The following SETD1A variants were observed in gnomAD, a reference collection of about 807,000 sequenced individuals.
SETD1A encodes the protein histone-lysine N-methyltransferase SETD1A.
SETD1A carries 29 observed loss-of-function variants against 149.9 expected under a neutral mutation model. The observed-to-expected ratio is 0.19, with a 90% confidence interval of 0.14 to 0.26. The LOEUF (loss-of-function observed/expected upper bound fraction) is 0.26. SETD1A is among the 10% of genes least tolerant of loss of function. The pLI is 1.00. For missense variants in SETD1A, 2,109 were observed against 2,353.1 expected, an observed-to-expected ratio of 0.90 and a Z score of 2.15; for synonymous variants, 1,141 against 968.5, an observed-to-expected ratio of 1.18 and a Z score of -3.31.
rs1005278170 is a variant in SETD1A, at chr16:30,964,184, T to C, written c.730T>C (p.Ser244Pro). The change falls in exon 6 of 19, where the codon TCC becomes CCC. Residue 244 changes from serine to proline, a missense_variant. By Grantham distance (74) the Ser-to-Pro change is moderately conservative (BLOSUM62 -1). Around this residue, in one of 8 missense-constraint regions of SETD1A, gnomAD observed 410 missense variants for 394.8 expected, o/e 1.04. Coordinates refer to ENST00000262519, the MANE Select transcript of SETD1A (RefSeq NM_014712.3). The stretch of plus-strand genomic sequence containing the variant: ...CACTCCTGGCAACGGCACCCCCTGC[T>C]CCCAGGACACAAGCTTCTCCAGCAG... ...VGTPGNGTPC[S>P]QDTSFSSSRQ... is the part of the protein sequence containing the mutation. 19 of 1,613,884 alleles carry C rather than the reference T, an allele frequency of 1.2e-5. No individual in the cohort carries two copies. The highest frequency in any genetic ancestry group is 1.5e-5 in the Non-Finnish European group (18 of 1,179,986).
At chr16:30,968,520 A>G (rs1405470669) in intron 10 of SETD1A, among the ~76,000 whole-genome samples, 1 of 151,726 alleles carries the variant, frequency 6.6e-6, no homozygotes, top group Non-Finnish European at 1.5e-5. Context: ...GTATATATTA[A>G]GGCCAGGCAG....
At position 30,983,846 on chromosome 16, in the gene SETD1A, G is replaced by A. The variant is rs374039092; in HGVS notation, c.4951-4G>A. On this transcript the variant is annotated splice_region_variant and splice_polypyrimidine_tract_variant and intron_variant, in intron 18 of 18. Coordinates refer to ENST00000262519, the MANE Select transcript of SETD1A (RefSeq NM_014712.3). The surrounding 1 kb of genome is among the most constrained non-coding windows in gnomAD (Gnocchi z 6.8). ...CCACGGCTCACACGCCCTTCCATCCGCAGCCTAACTGCTACGCCAAGGTCA... is the reference window on the plus strand; with the variant it reads ...CCACGGCTCACACGCCCTTCCATCCACAGCCTAACTGCTACGCCAAGGTCA... The A allele has an allele frequency of 7.6e-5, 123 of 1,609,294 alleles. No homozygotes were observed. The highest frequency in any genetic ancestry group is 7.4e-4 in the Admixed American group (44 of 59,452).
chr16:30,979,141 C>A lies in SETD1A; in HGVS notation c.3359-4C>A. On this transcript the variant is annotated splice_region_variant and splice_polypyrimidine_tract_variant and intron_variant, in intron 13 of 18. Coordinates refer to ENST00000262519, the MANE Select transcript of SETD1A (RefSeq NM_014712.3). ...CCTTTCCTTCCTATGTGCTTCCTTC[C>A]CAGGCCCCACGGAGGAGTCACCCCC... 2 of 1,551,478 alleles carry A rather than the reference C, an allele frequency of 1.3e-6. No individual in the cohort carries two copies. The highest frequency in any genetic ancestry group is 1.7e-6 in the Non-Finnish European group (2 of 1,148,584).
At chr16:30,968,049 A>T (rs1298903519) in intron 10 of SETD1A, among the ~76,000 whole-genome samples, 1 of 152,124 alleles carries the variant, frequency 6.6e-6, no homozygotes, top group African/African-American at 2.4e-5. Context: ...CAGGCATAAC[A>T]AGTCAGCTCC....
chr16:30,958,970 C>T (rs1014033234), intron 2 of SETD1A, 89 bp downstream of exon 2: 20 of 1,551,624 alleles, frequency 1.3e-5, no homozygotes, highest in Admixed American at 6.8e-5. Flanking sequence ...GGTAGCCTGC[C>T]TTCTTGAAAG....
intron 12 of SETD1A, among the ~76,000 whole-genome samples, 155 bp from the exon 13 acceptor site, chr16:30,971,223 A>G (rs2056219540): frequency 6.6e-6 from 1 of 152,124 alleles, no homozygotes; most frequent in South Asian, 2.1e-4. Context: ...TTTATCTCAC[A>G]GTGAAAATGG....
chr16:30,966,949 G>C lies in SETD1A; in HGVS notation c.2571G>C (p.Glu857Asp). The C allele has an allele frequency of 1.3e-6, 2 of 1,582,180 alleles. No homozygotes were observed. Among genetic ancestry groups the C allele is most frequent in the Non-Finnish European group, 1.7e-6 (2 of 1,164,458 alleles). Residue 857 changes from glutamate to aspartate, a missense_variant, in exon 9 of 19, where the codon GAG becomes GAC. Coordinates refer to ENST00000262519, the MANE Select transcript of SETD1A (RefSeq NM_014712.3). ...ATAAAGAGAAGACGAAGCTGAAGGA[G>C]CCTGGCCTGCTGTCCCTCGTGGACT... ...EEDKEKTKLK[E>D]PGLLSLVDWA...
rs975791195 is a variant in SETD1A, at chr16:30,967,565, C to G, written c.2747C>G (p.Thr916Ser). Reference sequence around the variant, plus strand: ...GAGGAAAAGAGGCCTCGTCCCTCCACTCCTGCTGAGGAAGATGAAGACGGT... The same window carrying G: ...GAGGAAAAGAGGCCTCGTCCCTCCAGTCCTGCTGAGGAAGATGAAGACGGT... ...ASEEKRPRPS[T>S]PAEEDEDDPE... The change falls in exon 10 of 19, where the codon ACT (threonine) becomes AGT (serine). Residue 916 changes from threonine (T) to serine (S), a missense_variant. This residue lies in a region of SETD1A where 832 missense variants were observed against 815.6 expected (regional missense o/e 1.02). Coordinates refer to ENST00000262519, the MANE Select transcript of SETD1A (RefSeq NM_014712.3). 2 of 1,614,026 alleles carry G rather than the reference C, an allele frequency of 1.2e-6. No individual in the cohort carries two copies. Among genetic ancestry groups the G allele is most frequent in the African/African-American group, 2.7e-5 (2 of 75,050 alleles).
chr16:30,964,441 T>C (rs975638367), intron 6 of SETD1A, 118 bp downstream of exon 6: 5 of 1,331,824 alleles, frequency 3.8e-6, no homozygotes, highest in Middle Eastern at 1.9e-4. Flanking sequence ...CTAGTTTCTC[T>C]GTGGATTCAG....
At position 30,980,703 on chromosome 16, in the gene SETD1A, G is replaced by T. The variant is rs200875927; in HGVS notation, c.4582-36G>T. Reference sequence around the variant, plus strand: ...GCGTCCTCCTGCCACTCACTTCCCTGCCCTGCTCACCTCCTCCCTGCCGTG... The same window carrying T: ...GCGTCCTCCTGCCACTCACTTCCCTTCCCTGCTCACCTCCTCCCTGCCGTG... On this transcript the variant is annotated intron_variant, in intron 15 of 18. Coordinates refer to ENST00000262519, the MANE Select transcript of SETD1A (RefSeq NM_014712.3). The surrounding 1 kb of genome is among the most constrained non-coding windows in gnomAD (Gnocchi z 7.7). 2.3e-4 allele frequency: 373 copies of T among 1,611,076 alleles called. 1 individual carries two copies. The African/African-American group carries it at 4.5e-3, about 19-fold the overall frequency.
chr16:30,967,647 A>G (rs1156368605), intron 10 of SETD1A, 59 bp downstream of exon 10: 19 of 1,470,724 alleles, frequency 1.3e-5, no homozygotes, highest in Middle Eastern at 3.5e-4. Context: ...ATGGGAGAGC[A>G]AGAGGTAGGG....
At position 30,979,428 on chromosome 16, in the gene SETD1A, C is replaced by T. The variant is rs767717419; in HGVS notation, c.3642C>T (p.His1214=). ...ERTIRNLPLD[H]ASLVKSWPEE... ...CCATCCGCAACCTGCCCCTGGACCA[C>T]GCATCTCTGGTCAAGAGTTGGCCCG... The change falls in exon 14 of 19, where the codon CAC becomes CAT. Residue 1214 remains histidine (H), a synonymous_variant. Transcript: ENST00000262519. The T allele has an allele frequency of 2.3e-5, 37 of 1,609,452 alleles. No homozygotes were observed. Among genetic ancestry groups the T allele is most frequent in the South Asian group, 1.4e-4 (13 of 90,532 alleles).
At chr16:30,964,505 T>C in intron 6 of SETD1A, 107 bp from the exon 7 acceptor site, 1 of 1,521,866 alleles carries the variant, frequency 6.6e-7, no homozygotes, top group Non-Finnish European at 8.8e-7. Flanking sequence ...AACATATAGC[T>C]CTTCTTTTGG....
At position 30,983,613 on chromosome 16, in the gene SETD1A, C is replaced by G; in HGVS notation, c.4813-22C>G. The G allele has an allele frequency of 6.2e-7, 1 of 1,607,038 alleles. No individual in the cohort carries two copies. Among genetic ancestry groups the G allele is most frequent in the Non-Finnish European group, 8.5e-7 (1 of 1,177,972 alleles). On this transcript the variant is annotated intron_variant, in intron 17 of 18. Transcript: ENST00000262519. The surrounding 1 kb of genome is among the most constrained non-coding windows in gnomAD (Gnocchi z 6.8). ...CAGGAAGTGGGGGACTCTTCCCTGA[C>G]CATCGCATCTCACCCTGGCAGATGG...
intron 5 of SETD1A, 131 bp downstream of exon 5, chr16:30,963,685 A>G (rs2056087657): frequency 2.9e-6 from 3 of 1,027,262 alleles, no homozygotes; most frequent in South Asian, 1.7e-5. Flanking sequence ...AGCTGCTGAG[A>G]TGCTTTCAAA....
Position 30,971,615 on chromosome 16 carries a change from C to T in SETD1A, c.3254C>T (p.Pro1085Leu), listed in dbSNP as rs1448126621. The part of the protein sequence containing the change: ...PSASPPPREV[P>L]VPTPAPVEVP... The stretch of plus-strand genomic sequence containing the variant: ...GCCTCCCCGCCCCCCAGAGAAGTCC[C>T]AGTGCCCACGCCAGCACCTGTGGAG... Residue 1085 changes from proline (P) to leucine (L), a missense_variant, in exon 13 of 19, where the codon CCA becomes CTA. By Grantham distance (98) the Pro-to-Leu change is moderately conservative. Coordinates refer to ENST00000262519, the MANE Select transcript of SETD1A (RefSeq NM_014712.3). 1.2e-6 allele frequency: 2 copies of T among 1,613,874 alleles called. No homozygotes were observed. Among genetic ancestry groups the T allele is most frequent in the Admixed American group, 1.7e-5 (1 of 59,990 alleles).
intron 1 of SETD1A, 121 bp from the exon 2 acceptor site, chr16:30,958,596 G>C (rs2056000663): frequency 1.2e-6 from 1 of 810,162 alleles, no homozygotes; most frequent in Non-Finnish European, 2.0e-6. Flanking sequence ...CCCCGGGTCA[G>C]GGTGAGGGTT....
Position 30,979,998 on chromosome 16 carries a change from G to GCCCCC in SETD1A, c.4213_4217dup (p.Pro1408HisfsTer19). ...CCCACGCCCGGCGCCGCCGCCCTCC[G>GCCCCC]CCCCCACCCCCGCCGCCACCGCCCC... On this transcript the variant is annotated frameshift_variant, in exon 14 of 19. Transcript: ENST00000262519. LOFTEE classifies it high-confidence loss of function. 6 of 481,346 alleles carry GCCCCC rather than the reference G, an allele frequency of 1.2e-5. No homozygotes were observed. The highest frequency in any genetic ancestry group is 1.9e-5 in the Non-Finnish European group (6 of 311,916). 29.8% of individuals were successfully genotyped at this position (481,346 alleles called of 1,614,324 possible). A position where few individuals can be genotyped will look rare whatever the true frequency, so the allele number is the denominator to read the frequency against.
chr16:30,982,298 C>T (rs2056388965), intron 17 of SETD1A, among the ~76,000 whole-genome samples: 1 of 151,706 alleles, frequency 6.6e-6, no homozygotes, highest in South Asian at 2.1e-4. Flanking sequence ...GTCAGGAGTT[C>T]GAGACCAGCC....
Sources: allele counts gnomAD v4.1 joint callset (sites outside exome capture counted in the v4.1 genomes callset), GRCh38; gene constraint gnomAD v4.1.1; regional missense constraint gnomAD v4.1.1; non-coding constraint Gnocchi (gnomAD v3.1); transcripts MANE v1.5; gene names NCBI Gene and HGNC (gene_info 2026-07-23, HGNC 2026-07-21).